WAC: variants seen among roughly 807,000 people sequenced by gnomAD.
WAC encodes the protein WW domain containing adaptor with coiled-coil, also known as WW domain-containing adapter protein with coiled-coil.
In WAC, 11 loss-of-function variants were observed where a neutral mutation model predicts 79.6. The observed-to-expected ratio is 0.14, with a 90% confidence interval of 0.09 to 0.23. WAC has a LOEUF of 0.23. WAC is among the 10% of genes least tolerant of loss of function. The probability of loss-of-function intolerance (pLI) is 1.00; values close to 1 mark genes in which losing one functional copy is unlikely to be tolerated. For missense variants in WAC, 728 were observed against 773.5 expected, an observed-to-expected ratio of 0.94 and a Z score of 0.70; for synonymous variants, 304 against 276.9, an observed-to-expected ratio of 1.10 and a Z score of -0.97.
intron 3 of WAC, among the ~76,000 whole-genome samples, chr10:28,545,648 C>T (rs1837312922): frequency 6.6e-6 from 1 of 152,124 alleles, no homozygotes; most frequent in Non-Finnish European, 1.5e-5. Context: ...GGTTATTTGG[C>T]AAATTGTGTA....
intron 11 of WAC, 28 bp from the exon 12 acceptor site, chr10:28,616,145 A>C: frequency 6.5e-7 from 1 of 1,541,216 alleles, no homozygotes; most frequent in Non-Finnish European, 8.8e-7. Context: ...ACTTTTAAAC[A>C]TACTACACAT....
At chr10:28,568,463 C>T (rs907482939) in intron 3 of WAC, among the ~76,000 whole-genome samples, 2 of 152,146 alleles carry the variant, frequency 1.3e-5, no homozygotes, top group Non-Finnish European at 2.9e-5. Context: ...TCGCTGCAAC[C>T]TCCACCTCCC....
At chr10:28,611,240 T>G in intron 9 of WAC, 4 of 1,290,318 alleles carry the variant, frequency 3.1e-6, no homozygotes, top group Non-Finnish European at 4.0e-6. Context: ...ATGCTCATTT[T>G]CTGCCTTGAA....
At chr10:28,547,016 A>C (rs982464040) in intron 3 of WAC, among the ~76,000 whole-genome samples, 1 of 151,960 alleles carries the variant, frequency 6.6e-6, no homozygotes, top group African/African-American at 2.4e-5. Context: ...CTTTGTCGAT[A>C]TTTTTGGGAT....
intron 3 of WAC, among the ~76,000 whole-genome samples, chr10:28,555,860 T>A (rs1243047869): frequency 1.3e-5 from 2 of 152,172 alleles, no homozygotes; most frequent in African/African-American, 4.8e-5. Flanking sequence ...CACCATGCTG[T>A]ACAACTTTCC....
At chr10:28,584,907 A>G (rs1839737444) in intron 4 of WAC, among the ~76,000 whole-genome samples, 2 of 152,216 alleles carry the variant, frequency 1.3e-5, no homozygotes, top group East Asian at 3.9e-4. Flanking sequence ...ATCTCTACTA[A>G]AGATACAAAA....
At chr10:28,588,826 A>G (rs374767250) in intron 4 of WAC, 1 of 152,168 alleles carries the variant, frequency 6.6e-6, no homozygotes, top group African/African-American at 2.4e-5. Flanking sequence ...CAAAAGAGTA[A>G]TTTGCATATC....
At chr10:28,592,722 TA>T (rs1295509717) in intron 6 of WAC, among the ~76,000 whole-genome samples, 3 of 152,220 alleles carry the variant, frequency 2.0e-5, no homozygotes, top group Non-Finnish European at 4.4e-5. Context: ...GCCATATTCG[TA>T]AATAGGTAAA....
At chr10:28,599,300 G>A (rs759919424) in intron 7 of WAC, among the ~76,000 whole-genome samples, 3 of 152,192 alleles carry the variant, frequency 2.0e-5, no homozygotes, top group Non-Finnish European at 2.9e-5. Flanking sequence ...GCTGAGCTGT[G>A]TCTAAAGATG....
intron 3 of WAC, among the ~76,000 whole-genome samples, chr10:28,548,012 C>T (rs954145542): frequency 6.6e-6 from 1 of 151,460 alleles, no homozygotes; most frequent in Non-Finnish European, 1.5e-5. Context: ...TCTCCGCCTC[C>T]CGGGTTCAAG....
At chr10:28,610,982 G>A in intron 9 of WAC, 161 bp downstream of exon 9, 1 of 740,402 alleles carries the variant, frequency 1.4e-6, no homozygotes, top group Non-Finnish European at 2.0e-6. Context: ...GGCATATACA[G>A]TAGTATTTTT....
intron 7 of WAC, among the ~76,000 whole-genome samples, chr10:28,604,457 C>T (rs1840832534): frequency 6.6e-6 from 1 of 151,954 alleles, no homozygotes; most frequent in Non-Finnish European, 1.5e-5. Flanking sequence ...CAAGGCCCGG[C>T]GTGGTGGCTC....
chr10:28,566,056 C>T (rs1474042751), intron 3 of WAC, among the ~76,000 whole-genome samples: 1 of 152,096 alleles, frequency 6.6e-6, no homozygotes. Flanking sequence ...GTACTGAAGG[C>T]TACTTACTCT....
chr10:28,580,736 A>G (rs1377486132), intron 3 of WAC, among the ~76,000 whole-genome samples: 1 of 152,164 alleles, frequency 6.6e-6, no homozygotes, highest in Non-Finnish European at 1.5e-5. Flanking sequence ...TTTTTAAAAA[A>G]TCTTTGGAGT....
intron 6 of WAC, among the ~76,000 whole-genome samples, chr10:28,592,872 T>C (rs771224809): frequency 5.3e-5 from 8 of 152,228 alleles, no homozygotes; most frequent in Non-Finnish European, 1.0e-4. Context: ...TGTTCTTTTA[T>C]TCAGCAATGT....
At chr10:28,538,866 TAAAAAA>T (rs5784069) in intron 3 of WAC, among the ~76,000 whole-genome samples, 1 of 126,896 alleles carries the variant, frequency 7.9e-6, no homozygotes, top group East Asian at 2.3e-4. Flanking sequence ...CCCGTCTGTT[TAAAAAA>T]AAAAAAAAAA....
chr10:28,536,325 A>C (rs1231730245), intron 3 of WAC, among the ~76,000 whole-genome samples: 1 of 151,910 alleles, frequency 6.6e-6, no homozygotes, highest in African/African-American at 2.4e-5. Flanking sequence ...ATGCTTTCTT[A>C]AGGATGGGAA....
intron 3 of WAC, among the ~76,000 whole-genome samples, chr10:28,573,477 G>A (rs934079812): frequency 2.0e-5 from 3 of 152,052 alleles, no homozygotes; most frequent in Non-Finnish European, 4.4e-5. Context: ...TTAGGCTTTC[G>A]CTTCCTAGGT....
intron 3 of WAC, among the ~76,000 whole-genome samples, chr10:28,573,781 TCA>T (rs1259283323): frequency 6.6e-6 from 1 of 152,196 alleles, no homozygotes; most frequent in Non-Finnish European, 1.5e-5. Context: ...TTTAATATAT[TCA>T]CAGTTAGTAG....
Sources: gnomAD v4.1 joint callset for allele counts (sites outside exome capture counted in the v4.1 genomes callset) on GRCh38, gnomAD v4.1.1 for gene constraint, MANE v1.5 for transcripts, NCBI Gene and HGNC (gene_info 2026-07-23, HGNC 2026-07-21) for gene names.